PRMT8: variants seen among roughly 807,000 people sequenced by gnomAD.
PRMT8 encodes protein arginine N-methyltransferase 8.
PRMT8 carries 7 observed loss-of-function variants against 47.1 expected under a neutral mutation model. That is an observed-to-expected ratio of 0.15 (90% CI 0.08 to 0.28). The LOEUF (loss-of-function observed/expected upper bound fraction) is 0.28, where lower values mean the gene tolerates loss of function less well. Ranked by LOEUF, PRMT8 falls within the 10% of genes least tolerant of loss-of-function variation. PRMT8 has a pLI of 1.00. For synonymous variants in PRMT8, 188 were observed against 186.5 expected, an observed-to-expected ratio of 1.01 and a Z score of -0.07; for missense variants, 237 against 505.4, an observed-to-expected ratio of 0.47 and a Z score of 5.09.
Position 3,424,993 on chromosome 12 carries a change from G to A in PRMT8, c.48+43551G>A, listed in dbSNP as rs541795452. Reference sequence around the variant, plus strand: ...TCAGAGTCACTTTGCAAGGGTTGGCGAAGCTGCTCCTGTCCACTTGCTGCT... The same window carrying A: ...TCAGAGTCACTTTGCAAGGGTTGGCAAAGCTGCTCCTGTCCACTTGCTGCT... On this transcript the variant is annotated intron_variant, in intron 1 of 9. Transcript: ENST00000452611. 1.7e-3 allele frequency among the ~76,000 whole-genome samples: 265 copies of A among 152,314 alleles called. 1 individual carries two copies. The highest frequency in any genetic ancestry group is 5.9e-3 in the African/African-American group (246 of 41,572).
rs1405104475 is a variant in PRMT8, at chr12:3,584,658, A to G, written c.979+1450A>G. On this transcript the variant is annotated intron_variant, in intron 8 of 9. Transcript: ENST00000382622. ...CTCCCACTCTTCAGAGGCAAATATT[A>G]TTATTAATGATTTCTTTTGTATCAT... is the stretch of plus-strand genomic sequence containing the variant. 2.6e-5 allele frequency among the ~76,000 whole-genome samples: 4 copies of G among 152,350 alleles called. No individual in the cohort carries two copies. The East Asian group carries it at 7.7e-4, about 29-fold the overall frequency.
intron 6 of PRMT8, chr12:3,573,999 T>G (rs1028187109): frequency 6.6e-6 from 1 of 152,160 alleles, no homozygotes; most frequent in African/African-American, 2.4e-5. Flanking sequence ...AAAAATCTAA[T>G]CCCTTGGGTG....
At chr12:3,412,645 T>G (rs1464328383) in intron 1 of PRMT8, among the ~76,000 whole-genome samples, 3 of 152,216 alleles carry the variant, frequency 2.0e-5, no homozygotes, top group African/African-American at 7.2e-5. Context: ...TTAAACCTTT[T>G]TATTAAAAAC....
chr12:3,491,833 TGTGTGTGTGTGTGTGTGTGTG>T lies in PRMT8; in HGVS notation c.75+134_75+154del. 6.9e-5 allele frequency: 3 copies of T among 43,464 alleles called. 1 individual carries two copies. Among genetic ancestry groups the T allele is most frequent in the Non-Finnish European group, 1.0e-4 (3 of 30,102 alleles). The allele number at this position is 43,464 out of a possible 1,614,324, so 2.7% of individuals were successfully genotyped here. A position where few individuals can be genotyped will look rare whatever the true frequency, so the allele number is the denominator to read the frequency against. On this transcript the variant is annotated intron_variant, in intron 1 of 9. Coordinates refer to ENST00000382622, the MANE Select transcript of PRMT8 (RefSeq NM_019854.5). The stretch of plus-strand genomic sequence containing the variant: ...CCGCTCGCTTCTGCCGGCCTCCTCC[TGTGTGTGTGTGTGTGTGTGTG>T]TGTGTGTGTGTGTGTGTGTGTGTGT...
intron 1 of PRMT8, among the ~76,000 whole-genome samples, chr12:3,520,701 G>GAT (rs1291347720): frequency 6.6e-6 from 1 of 152,124 alleles, no homozygotes; most frequent in Non-Finnish European, 1.5e-5. Context: ...TGTAAAAAAG[G>GAT]TAAATTACTC....
intron 1 of PRMT8, among the ~76,000 whole-genome samples, chr12:3,428,666 G>C (rs1864634357): frequency 6.6e-6 from 1 of 151,224 alleles, no homozygotes; most frequent in African/African-American, 2.4e-5. Context: ...TTAACTACTT[G>C]TATATTTCTC....
intron 1 of PRMT8, among the ~76,000 whole-genome samples, chr12:3,463,962 C>T (rs1014821879): frequency 6.6e-6 from 1 of 152,106 alleles, no homozygotes; most frequent in Non-Finnish European, 1.5e-5. Context: ...ACCAATATTA[C>T]CGGATGTTTA....
Position 3,568,788 on chromosome 12 carries a change from C to T in PRMT8, c.564C>T (p.Gly188=), listed in dbSNP as rs946892450. 4 of 1,614,154 alleles carry T rather than the reference C, an allele frequency of 2.5e-6. No homozygotes were observed. The highest frequency in any genetic ancestry group is 3.4e-6 in the Non-Finnish European group (4 of 1,180,028). ...ACATCATCATCAGCGAGTGGATGGG[C>T]TACTGTCTGTTCTATGAGTCCATGC... The part of the protein sequence containing the change: ...KVDIIISEWM[G]YCLFYESMLN... Residue 188 remains glycine (G), a synonymous_variant, in exon 5 of 10, where the codon GGC becomes GGT. Transcript: ENST00000382622.
In PRMT8 at chr12:3,572,925, T is replaced by G. The variant is rs530609055; in HGVS notation, c.712+3361T>G. Among the ~76,000 whole-genome samples, 34 of 152,358 alleles carry G rather than the reference T, an allele frequency of 2.2e-4. No individual in the cohort carries two copies. Among genetic ancestry groups the G allele is most frequent in the South Asian group, 2.1e-3 (10 of 4,826 alleles). On this transcript the variant is annotated intron_variant, in intron 6 of 9. Coordinates refer to ENST00000382622, the MANE Select transcript of PRMT8 (RefSeq NM_019854.5). This position sits in a 1 kb window ranked among gnomAD's most constrained non-coding sequence, Gnocchi z 5.9. Reference sequence around the variant, plus strand: ...CAGACTGTTTTTGAGATTTCTGTCTTTATTGATTTTCTGCAGTTTGATTCT... The same window carrying G: ...CAGACTGTTTTTGAGATTTCTGTCTGTATTGATTTTCTGCAGTTTGATTCT...
chr12:3,430,320 C>T (rs762241559), intron 1 of PRMT8, among the ~76,000 whole-genome samples: 2 of 152,168 alleles, frequency 1.3e-5, no homozygotes, highest in Non-Finnish European at 2.9e-5. Flanking sequence ...AGGCCCAGGG[C>T]ACAGTGCTGG....
At chr12:3,592,442 T>A in intron 9 of PRMT8, 90 bp downstream of exon 9, 1 of 1,408,752 alleles carries the variant, frequency 7.1e-7, no homozygotes, top group South Asian at 1.4e-5. Flanking sequence ...CTTAAGTGTC[T>A]CATGAACAGT....
rs953806694 is a variant in PRMT8 at position 3,492,876 on chromosome 12, AT to A, written c.75+1179del. 1.3e-5 allele frequency among the ~76,000 whole-genome samples: 2 copies of A among 150,942 alleles called. No individual in the cohort carries two copies. The highest frequency in any genetic ancestry group is 4.9e-5 in the African/African-American group (2 of 40,958). On this transcript the variant is annotated intron_variant, in intron 1 of 9. Transcript: ENST00000382622. This position sits in a 1 kb window ranked among gnomAD's most constrained non-coding sequence, Gnocchi z 7.5. Reference sequence around the variant, plus strand: ...TGGGTGTCTGGTGGGGCTGCCGCACATTTCACATATGGTTACCCATATGCAG... The same window carrying A: ...TGGGTGTCTGGTGGGGCTGCCGCACATTCACATATGGTTACCCATATGCAG...
chr12:3,569,663 A>G lies in PRMT8; in HGVS notation c.712+99A>G. 1 of 946,842 alleles carries G rather than the reference A, an allele frequency of 1.1e-6. No individual in the cohort carries two copies. 58.7% of individuals were successfully genotyped at this position (946,842 alleles called of 1,614,324 possible). A position where few individuals can be genotyped will look rare whatever the true frequency, so the allele number is the denominator to read the frequency against. ...ATGAGCAGGCAGTGACATGAACACCATTGCTGTCCCTGAAGAGGAGCTTAT... is the reference window on the plus strand; with the variant it reads ...ATGAGCAGGCAGTGACATGAACACCGTTGCTGTCCCTGAAGAGGAGCTTAT... On this transcript the variant is annotated intron_variant, in intron 6 of 9. Coordinates refer to ENST00000382622, the MANE Select transcript of PRMT8 (RefSeq NM_019854.5). This position sits in a 1 kb window ranked among gnomAD's most constrained non-coding sequence, Gnocchi z 8.2.
At chr12:3,568,235 C>G (rs920302862) in intron 4 of PRMT8, among the ~76,000 whole-genome samples, 1 of 152,020 alleles carries the variant, frequency 6.6e-6, no homozygotes, top group African/African-American at 2.4e-5. Flanking sequence ...GGTCTCTGTC[C>G]TCATTGCCTT....
intron 1 of PRMT8, among the ~76,000 whole-genome samples, chr12:3,499,287 C>G (rs1865557917): frequency 9.1e-6 from 1 of 110,218 alleles, no homozygotes; most frequent in South Asian, 3.5e-4. Flanking sequence ...TGCTGGTGCA[C>G]TGCACCCACT....
At chr12:3,394,334 A>G (rs910335623) in intron 1 of PRMT8, among the ~76,000 whole-genome samples, 2 of 152,174 alleles carry the variant, frequency 1.3e-5, no homozygotes, top group Non-Finnish European at 2.9e-5. Context: ...TCAGTATGAT[A>G]TTGGCTGTGG....
At chr12:3,383,774 C>A (rs934452276) in intron 1 of PRMT8, among the ~76,000 whole-genome samples, 1 of 152,228 alleles carries the variant, frequency 6.6e-6, no homozygotes, top group African/African-American at 2.4e-5. Context: ...TGGACTAAGA[C>A]AAAGCCCTTG....
chr12:3,577,476 T>C (rs1278289360), intron 7 of PRMT8, among the ~76,000 whole-genome samples: 2 of 149,710 alleles, frequency 1.3e-5, no homozygotes, highest in East Asian at 3.9e-4. Flanking sequence ...CTGTTCATGC[T>C]CTCGCCTCCA....
intron 1 of PRMT8, among the ~76,000 whole-genome samples, chr12:3,421,326 TG>T (rs1376557970): frequency 6.6e-6 from 1 of 152,186 alleles, no homozygotes; most frequent in African/African-American, 2.4e-5. Context: ...CGGCTTCCTC[TG>T]GGTTAGGCAC....
Sources: allele counts gnomAD v4.1 joint callset (sites outside exome capture counted in the v4.1 genomes callset), GRCh38; gene constraint gnomAD v4.1.1; non-coding constraint Gnocchi (gnomAD v3.1); transcripts MANE v1.5; gene names NCBI Gene and HGNC (gene_info 2026-07-23, HGNC 2026-07-21).